Variants in ZNF718 observed in about 807,000 individuals in gnomAD.
ZNF718 encodes zinc finger protein 718.
ZNF718 carries 3 observed loss-of-function variants against 2.6 expected under a neutral mutation model. The ratio of observed to expected loss-of-function variants is 1.16; its 90% CI spans 0.53 to 3.01. The LOEUF is 3.01. Ranked by LOEUF, ZNF718 falls within the 30% of genes most tolerant of loss-of-function variation. The pLI, the probability that ZNF718 is intolerant of heterozygous loss-of-function variation, is 0.03. For synonymous variants in ZNF718, 135 were observed against 77.9 expected (o/e 1.73, Z -3.86); for missense variants, 468 against 230.0 (o/e 2.03, Z -6.69).
chr4:155,467 A>G (rs112698412), intron 3 of ZNF718, among the ~76,000 whole-genome samples: 20 of 152,276 alleles, frequency 1.3e-4, no homozygotes, highest in East Asian at 3.9e-4. Flanking sequence ...TCTTGCATCA[A>G]TGTGACCTGG....
chr4:144,020 A>G lies in ZNF718; in HGVS notation c.226+12515A>G, dbSNP rs782161911. On this transcript the variant is annotated intron_variant, in intron 3 of 3. Transcript: ENST00000510175. ...CATAAGCCCAATTCACACTTCAGCT[A>G]TAACAGGAAATATCCTCTCCATAGG... Among the ~76,000 whole-genome samples the G allele has an allele frequency of 5.3e-5, 8 of 152,288 alleles. No individual in the cohort carries two copies. The East Asian group carries it at 9.7e-4, about 18-fold the overall frequency.
At chr4:168,519 T>G (rs187572456), downstream of ZNF718, among the ~76,000 whole-genome samples, 2 of 152,178 alleles carry the variant, frequency 1.3e-5, no homozygotes, top group African/African-American at 2.4e-5. Flanking sequence ...AATTATTGCC[T>G]CAATTTCAGA....
intron 3 of ZNF718, among the ~76,000 whole-genome samples, chr4:137,259 A>G (rs927864347): frequency 1.3e-5 from 2 of 152,258 alleles, no homozygotes; most frequent in South Asian, 4.1e-4. Flanking sequence ...AAAATTACCT[A>G]GTCTCAGGTA....
At chr4:174,539 C>T (rs987496859) in intron 3 of ZNF718, among the ~76,000 whole-genome samples, 6 of 152,128 alleles carry the variant, frequency 3.9e-5, no homozygotes, top group Admixed American at 1.3e-4. Flanking sequence ...CTATCCATCT[C>T]GTGTCTGTAA....
At chr4:129,777 T>TAA (rs1166245424) in intron 1 of ZNF718, among the ~76,000 whole-genome samples, 1 of 92,608 alleles carries the variant, frequency 1.1e-5, no homozygotes. Flanking sequence ...TCTACGCATT[T>TAA]AAAAAAAAAA....
intron 3 of ZNF718, among the ~76,000 whole-genome samples, chr4:138,417 A>G (rs1715668122): frequency 6.6e-6 from 1 of 152,300 alleles, no homozygotes; most frequent in African/African-American, 2.4e-5. Flanking sequence ...TTTTCTTAAC[A>G]TAATGACCTC....
At chr4:166,969 GT>G (rs1306718285), downstream of ZNF718, among the ~76,000 whole-genome samples, 7 of 152,122 alleles carry the variant, frequency 4.6e-5, no homozygotes, top group Admixed American at 6.5e-5. Flanking sequence ...TTCTTCTAGG[GT>G]TTTTATGGTT....
intron 3 of ZNF718, among the ~76,000 whole-genome samples, chr4:188,867 A>G (rs964380637): frequency 9.2e-5 from 14 of 152,220 alleles, no homozygotes; most frequent in African/African-American, 3.1e-4. Context: ...TCCTTATAGT[A>G]GTACCCTATT....
intron 3 of ZNF718, among the ~76,000 whole-genome samples, chr4:153,135 C>A (rs782293555): frequency 1.7e-4 from 26 of 151,454 alleles, no homozygotes; most frequent in Non-Finnish European, 2.7e-4. Context: ...TTTTGATTAT[C>A]ATGTAGATAC....
chr4:142,118 AT>A, intron 3 of ZNF718: 1 of 513,970 alleles, frequency 1.9e-6, no homozygotes, highest in Non-Finnish European at 3.9e-6. Context: ...GTCCCTCCAC[AT>A]TTTTGGAACT....
chr4:185,799 A>G (rs1717555048), intron 3 of ZNF718, among the ~76,000 whole-genome samples: 1 of 152,176 alleles, frequency 6.6e-6, no homozygotes, highest in Non-Finnish European at 1.5e-5. Context: ...CTGTTTTATC[A>G]GAAACTAGGA....
At chr4:171,230 A>G (rs563876874) in intron 3 of ZNF718, among the ~76,000 whole-genome samples, 1 of 152,086 alleles carries the variant, frequency 6.6e-6, no homozygotes, top group African/African-American at 2.4e-5. Flanking sequence ...GTACCCAGCC[A>G]TGTGAGGTGT....
In ZNF718 at chr4:161,639, T is replaced by C; in HGVS notation, c.954T>C (p.Asn318=). The C allele has an allele frequency of 1.3e-6, 1 of 779,294 alleles. No homozygotes were observed. The highest frequency in any genetic ancestry group is 2.4e-6 in the Non-Finnish European group (1 of 417,352). The allele number at this position is 779,294 out of a possible 1,614,324, so 48.3% of individuals were successfully genotyped here. A position where few individuals can be genotyped will look rare whatever the true frequency, so the allele number is the denominator to read the frequency against. ...EKPFSCEECG[N]VFTTSSDFAK... ...CCTTCTCATGCGAAGAATGTGGCAATGTCTTTACCACATCCTCAGACTTTG... is the reference window on the plus strand; with the variant it reads ...CCTTCTCATGCGAAGAATGTGGCAACGTCTTTACCACATCCTCAGACTTTG... The change falls in exon 4 of 4, where the codon AAT becomes AAC. Residue 318 remains asparagine (N), a synonymous_variant. Transcript: ENST00000510175.
rs1312613284 is a variant in ZNF718, at chr4:128,054, C to T, written c.4-2734C>T. ...TATTCTTAAGAATGTGTTGAAGGAG[C>T]CTCCATGAGGTGATCTCTCCTCTGG... On this transcript the variant is annotated intron_variant, in intron 1 of 3. Coordinates refer to ENST00000510175, the MANE Select transcript of ZNF718 (RefSeq NM_001039127.6). Among the ~76,000 whole-genome samples the T allele has an allele frequency of 4.8e-5, 5 of 103,826 alleles. 1 individual carries two copies. The Admixed American group carries it at 5.2e-4, about 11-fold the overall frequency. 68.1% of individuals were successfully genotyped at this position (103,826 alleles called of 152,430 possible). A position where few individuals can be genotyped will look rare whatever the true frequency, so the allele number is the denominator to read the frequency against.
At chr4:185,372 G>A (rs1215691784) in intron 3 of ZNF718, among the ~76,000 whole-genome samples, 1 of 152,054 alleles carries the variant, frequency 6.6e-6, no homozygotes, top group African/African-American at 2.4e-5. Flanking sequence ...GACACTGTTT[G>A]TTATGATTTT....
At chr4:140,049 C>A (rs782364651) in intron 3 of ZNF718, among the ~76,000 whole-genome samples, 1 of 151,946 alleles carries the variant, frequency 6.6e-6, no homozygotes, top group Non-Finnish European at 1.5e-5. Flanking sequence ...ACGTGGTCCC[C>A]GATCCCTATG....
chr4:127,254 G>A (rs1715262359), intron 1 of ZNF718, among the ~76,000 whole-genome samples: 1 of 104,640 alleles, frequency 9.6e-6, no homozygotes, highest in Non-Finnish European at 2.1e-5. Flanking sequence ...ACCCACAATT[G>A]TATGACAAAG....
intron 3 of ZNF718, among the ~76,000 whole-genome samples, chr4:154,198 A>T (rs1444362591): frequency 6.6e-6 from 1 of 152,204 alleles, no homozygotes; most frequent in Non-Finnish European, 1.5e-5. Context: ...GCCACATGGA[A>T]CTGTGAGTCC....
At chr4:183,618 T>C (rs990397021) in intron 3 of ZNF718, among the ~76,000 whole-genome samples, 3 of 152,212 alleles carry the variant, frequency 2.0e-5, no homozygotes, top group Admixed American at 6.5e-5. Context: ...TTTCATGATA[T>C]TGATTCTTCC....
Sources: gnomAD v4.1 joint callset for allele counts (sites outside exome capture counted in the v4.1 genomes callset) on GRCh38, gnomAD v4.1.1 for gene constraint, MANE v1.5 for transcripts, NCBI Gene and HGNC (gene_info 2026-07-23, HGNC 2026-07-21) for gene names.